The following SPRED1 variants were observed in gnomAD, a reference collection of about 807,000 sequenced individuals.
The protein encoded by SPRED1 is sprouty-related, EVH1 domain-containing protein 1.
SPRED1 carries 18 observed loss-of-function variants against 52.3 expected under a neutral mutation model. That is an observed-to-expected ratio of 0.34 (90% confidence interval 0.24 to 0.51). The LOEUF is 0.51. Among genes scored for constraint, SPRED1 ranks in the 20% least tolerant of loss-of-function variants. SPRED1 has a pLI of 0.97. For synonymous variants in SPRED1, 155 were observed against 179.7 expected, an observed-to-expected ratio of 0.86 and a Z score of 1.10; for missense variants, 485 against 551.0, an observed-to-expected ratio of 0.88 and a Z score of 1.20.
chr15:38,318,439 T>G (rs1895532446), intron 2 of SPRED1, among the ~76,000 whole-genome samples: 2 of 152,158 alleles, frequency 1.3e-5, no homozygotes, highest in Non-Finnish European at 2.9e-5. Flanking sequence ...CTCATTTTTA[T>G]TGATTTATTT....
At chr15:38,303,524 TA>T (rs1363643492) in intron 2 of SPRED1, among the ~76,000 whole-genome samples, 3 of 152,314 alleles carry the variant, frequency 2.0e-5, no homozygotes, top group Middle Eastern at 3.4e-3. Context: ...CATGTAAATT[TA>T]AAATACCGAA....
chr15:38,258,857 G>A (rs1894153379), intron 1 of SPRED1, among the ~76,000 whole-genome samples: 4 of 152,106 alleles, frequency 2.6e-5, no homozygotes, highest in South Asian at 4.1e-4. Context: ...GTGCAGTATG[G>A]TATAGTCTAA....
chr15:38,331,992 T>C (rs1437196998), intron 4 of SPRED1, among the ~76,000 whole-genome samples: 3 of 152,176 alleles, frequency 2.0e-5, no homozygotes, highest in Non-Finnish European at 4.4e-5. Flanking sequence ...CTAAGTAATA[T>C]ATGACATATG....
intron 4 of SPRED1, among the ~76,000 whole-genome samples, chr15:38,330,156 AG>A (rs1335678663): frequency 6.6e-6 from 1 of 152,200 alleles, no homozygotes; most frequent in East Asian, 1.9e-4. Context: ...TACCACATTA[AG>A]CCAAACTAAC....
At chr15:38,298,641 A>G (rs1895088626) in intron 1 of SPRED1, 5 of 234,336 alleles carry the variant, frequency 2.1e-5, no homozygotes, top group South Asian at 1.5e-4. Context: ...TGTGTTCGGC[A>G]TAAGGATTTT....
At chr15:38,341,686 CTT>C (rs1318630448) in intron 5 of SPRED1, among the ~76,000 whole-genome samples, 1 of 151,928 alleles carries the variant, frequency 6.6e-6, no homozygotes, top group Non-Finnish European at 1.5e-5. Flanking sequence ...CTGGTTTTCT[CTT>C]TGATGTTACA....
Position 38,287,254 on chromosome 15 carries a change from C to CT in SPRED1, c.33-12119_33-12118insT. Among the ~76,000 whole-genome samples, 2 of 152,166 alleles carry CT rather than the reference C, an allele frequency of 1.3e-5. 1 individual carries two copies. On this transcript the variant is annotated intron_variant, in intron 1 of 6. Transcript: ENST00000299084. ...ACATCTTCTGTCTATGTAGTTTTCT[C>CT]ATTTATTTGTCTAGTTATCTCATTA... is the stretch of plus-strand genomic sequence containing the variant.
At chr15:38,295,524 G>A (rs1218119552) in intron 1 of SPRED1, among the ~76,000 whole-genome samples, 3 of 152,142 alleles carry the variant, frequency 2.0e-5, no homozygotes, top group South Asian at 2.1e-4. Flanking sequence ...TGACGGAAAC[G>A]TTATTATGCA....
chr15:38,357,111 A>G lies in SPRED1; in HGVS notation c.*5447A>G, dbSNP rs1888638360. On this transcript the variant is annotated 3_prime_UTR_variant, in exon 7 of 7. Transcript: ENST00000299084. The stretch of plus-strand genomic sequence containing the variant: ...GTGTCATGCACATAGTGCTCCTTAA[A>G]GAAAAAGACATCGACATCAATGGTA... The G allele has an allele frequency of 2.0e-5, 3 of 152,214 alleles. No individual in the cohort carries two copies. The South Asian group carries it at 6.2e-4, about 31-fold the overall frequency. The allele number at this position is 152,214 out of a possible 1,614,324, so 9.4% of individuals were successfully genotyped here.
rs182233497 is a variant in SPRED1, at chr15:38,308,334, A to T, written c.207+8787A>T. Reference sequence around the variant, plus strand: ...TATCACAGCGAGGATATTTCTGTTGATACAATCTATCATATTCAGATTTCC... The same window carrying T: ...TATCACAGCGAGGATATTTCTGTTGTTACAATCTATCATATTCAGATTTCC... On this transcript the variant is annotated intron_variant, in intron 2 of 6. Coordinates refer to ENST00000299084, the MANE Select transcript of SPRED1 (RefSeq NM_152594.3). 4.6e-5 allele frequency among the ~76,000 whole-genome samples: 7 copies of T among 152,310 alleles called. No individual in the cohort carries two copies. In the East Asian group the frequency reaches 1.3e-3, roughly 29 times the overall value.
chr15:38,295,395 C>T (rs575830670), intron 1 of SPRED1, among the ~76,000 whole-genome samples: 1 of 152,272 alleles, frequency 6.6e-6, no homozygotes, highest in East Asian at 1.9e-4. Flanking sequence ...TGTTGTTGTA[C>T]TGAAAAGTGT....
At chr15:38,333,867 G>A (rs751411326) in intron 4 of SPRED1, among the ~76,000 whole-genome samples, 8 of 152,106 alleles carry the variant, frequency 5.3e-5, no homozygotes, top group Admixed American at 2.0e-4. Flanking sequence ...ACAGAGAATA[G>A]ATTAATAAAT....
Position 38,349,423 on chromosome 15 carries a change from T to C in SPRED1, c.584T>C (p.Ile195Thr), listed in dbSNP as rs1166488554. 2 of 1,607,964 alleles carry C rather than the reference T, an allele frequency of 1.2e-6. No individual in the cohort carries two copies. Among genetic ancestry groups the C allele is most frequent in the African/African-American group, 1.3e-5 (1 of 74,894 alleles). The change falls in exon 6 of 7, where the codon ATA becomes ACA. Residue 195 changes from isoleucine to threonine, a missense_variant and splice_region_variant. Transcript: ENST00000299084. ...AAGTAGAAATTGTTTGTATTTTAGA[T>C]AACATTTGGTCAGCCAGGCTTGGAC... ...RVYMQSQANQITFGQPGLDIQ... is the reference protein window; with the variant it reads ...RVYMQSQANQTTFGQPGLDIQ...
intron 5 of SPRED1, 130 bp from the exon 6 acceptor site, chr15:38,349,292 T>C (rs996297376): frequency 3.0e-6 from 2 of 671,134 alleles, no homozygotes; most frequent in Admixed American, 2.4e-5. Context: ...AATGATTCTA[T>C]TTTTATTCTC....
At chr15:38,320,268 T>C (rs1383780378) in intron 2 of SPRED1, among the ~76,000 whole-genome samples, 1 of 152,196 alleles carries the variant, frequency 6.6e-6, no homozygotes, top group African/African-American at 2.4e-5. Context: ...TCCTAGTCCA[T>C]GATCTGTGAA....
At chr15:38,346,475 T>C (rs1896139153) in intron 5 of SPRED1, among the ~76,000 whole-genome samples, 1 of 152,108 alleles carries the variant, frequency 6.6e-6, no homozygotes, top group African/African-American at 2.4e-5. Flanking sequence ...ACATGTTTAA[T>C]ACATAAAAAA....
At position 38,351,764 on chromosome 15, in the gene SPRED1, G is replaced by T; in HGVS notation, c.*100G>T. 1.5e-6 allele frequency: 2 copies of T among 1,377,830 alleles called. No homozygotes were observed. Among genetic ancestry groups the T allele is most frequent in the South Asian group, 1.2e-5 (1 of 81,850 alleles). 85.4% of individuals were successfully genotyped at this position (1,377,830 alleles called of 1,614,324 possible). A position where few individuals can be genotyped will look rare whatever the true frequency, so the allele number is the denominator to read the frequency against. On this transcript the variant is annotated 3_prime_UTR_variant, in exon 7 of 7. Transcript: ENST00000299084. ...GGCAAGCAATATGGAATCTTGCCTG[G>T]TATCATTGAGCCCACACATGGAGGA... is the stretch of plus-strand genomic sequence containing the variant.
chr15:38,349,655 T>C (rs1313183490), intron 6 of SPRED1, 132 bp downstream of exon 6: 1 of 674,602 alleles, frequency 1.5e-6, no homozygotes, highest in Non-Finnish European at 2.6e-6. Context: ...ATTTGCTGCC[T>C]ATGTGCTTAA....
chr15:38,310,149 G>GTA (rs1376260488), intron 2 of SPRED1, among the ~76,000 whole-genome samples: 1 of 138,072 alleles, frequency 7.2e-6, no homozygotes, highest in African/African-American at 2.8e-5. Context: ...GTGTGTGTGT[G>GTA]TGTGTTTGGA....
Sources: allele counts gnomAD v4.1 joint callset (sites outside exome capture counted in the v4.1 genomes callset), GRCh38; gene constraint gnomAD v4.1.1; transcripts MANE v1.5; gene names NCBI Gene and HGNC (gene_info 2026-07-23, HGNC 2026-07-21).